The following LRCH1 variants were observed in gnomAD, a reference collection of about 807,000 sequenced individuals.
LRCH1 encodes leucine-rich repeat and calponin homology domain-containing protein 1.
Under a neutral mutation model 94.9 loss-of-function variants are expected in LRCH1, and 23 were observed. The ratio of observed to expected loss-of-function variants is 0.24; its 90% CI spans 0.17 to 0.34. LRCH1 has a LOEUF of 0.34. Among genes scored for constraint, LRCH1 ranks in the 10% least tolerant of loss-of-function variants. LRCH1 has a pLI of 1.00. For synonymous variants in LRCH1, 364 were observed against 354.9 expected (o/e 1.03, Z -0.29); for missense variants, 790 against 945.9 (o/e 0.84, Z 2.16).
intron 18 of LRCH1, among the ~76,000 whole-genome samples, chr13:46,729,550 C>CAAAAAAAAAAAAAAAAAAAAAAAAAAAAA (rs61033499): frequency 1.1e-5 from 1 of 89,144 alleles, no homozygotes; most frequent in Non-Finnish European, 2.4e-5. Flanking sequence ...GACCCTGTCT[C>CAAAAAAAAAAAAAAAAAAAAAAAAAAAAA]AAAAAAAAAA....
At chr13:46,696,796 G>A (rs913875207) in intron 9 of LRCH1, among the ~76,000 whole-genome samples, 2 of 152,154 alleles carry the variant, frequency 1.3e-5, no homozygotes, top group African/African-American at 2.4e-5. Flanking sequence ...TTGGCCTGGC[G>A]GAGTGAATCA....
chr13:46,654,252 C>T (rs867119345), intron 2 of LRCH1, among the ~76,000 whole-genome samples: 18 of 152,200 alleles, frequency 1.2e-4, no homozygotes, highest in African/African-American at 4.3e-4. Context: ...GCCTGGTAAG[C>T]AGGAGGGACT....
At chr13:46,617,574 C>G (rs970546270) in intron 1 of LRCH1, among the ~76,000 whole-genome samples, 2 of 152,166 alleles carry the variant, frequency 1.3e-5, no homozygotes, top group African/African-American at 4.8e-5. Flanking sequence ...CTCGCAGGGG[C>G]TCGTCTCAAC....
chr13:46,618,051 AT>A (rs1460062954), intron 1 of LRCH1, among the ~76,000 whole-genome samples: 1 of 152,170 alleles, frequency 6.6e-6, no homozygotes, highest in African/African-American at 2.4e-5. Context: ...ACAGGGACAC[AT>A]TCTGAGAAAT....
intron 7 of LRCH1, among the ~76,000 whole-genome samples, chr13:46,690,268 A>C (rs953375293): frequency 2.6e-5 from 4 of 152,206 alleles, no homozygotes; most frequent in African/African-American, 9.6e-5. Flanking sequence ...TGTCAATAAA[A>C]GAAAATAACC....
chr13:46,705,400 A>G lies in LRCH1; in HGVS notation c.1527+96A>G, dbSNP rs1463408588. Reference sequence around the variant, plus strand: ...GTAAAGATTTGTCAGGGAGTGAAACATCTTTATTAATGAGGCCAATATTCA... The same window carrying G: ...GTAAAGATTTGTCAGGGAGTGAAACGTCTTTATTAATGAGGCCAATATTCA... On this transcript the variant is annotated intron_variant, in intron 13 of 19. Coordinates refer to ENST00000389797, the MANE Select transcript of LRCH1 (RefSeq NM_001164211.2). 9 of 1,046,052 alleles carry G rather than the reference A, an allele frequency of 8.6e-6. No individual in the cohort carries two copies. The Admixed American group carries it at 1.5e-4, about 18-fold the overall frequency. 64.8% of individuals were successfully genotyped at this position (1,046,052 alleles called of 1,614,324 possible).
intron 1 of LRCH1, among the ~76,000 whole-genome samples, chr13:46,635,996 G>C (rs2051082953): frequency 7.1e-6 from 1 of 140,042 alleles, no homozygotes; most frequent in African/African-American, 2.6e-5. Flanking sequence ...TCTTTGCAAA[G>C]TTTTTAAAGC....
In LRCH1 at chr13:46,558,572, C is replaced by CAAAAAAAAAAAAAAAAAAA. The variant is rs575874794; in HGVS notation, c.307+4877_307+4895dup. Among the ~76,000 whole-genome samples, 29 of 34,396 alleles carry CAAAAAAAAAAAAAAAAAAA rather than the reference C, an allele frequency of 8.4e-4. 4 individuals carry two copies. Among genetic ancestry groups the CAAAAAAAAAAAAAAAAAAA allele is most frequent in the Non-Finnish European group, 1.0e-3 (17 of 17,006 alleles). The allele number at this position is 34,396 out of a possible 152,430, so 22.6% of individuals were successfully genotyped here. On this transcript the variant is annotated intron_variant, in intron 1 of 19. Coordinates refer to ENST00000389797, the MANE Select transcript of LRCH1 (RefSeq NM_001164211.2). Reference sequence around the variant, plus strand: ...CCAAGACGGTGAAACCCTGTGTCTACAAAAAAAAAAAAAAAAAAAAAAAAA... The same window carrying CAAAAAAAAAAAAAAAAAAA: ...CCAAGACGGTGAAACCCTGTGTCTACAAAAAAAAAAAAAAAAAAAAAAAAAAAAAAAAAAAAAAAAAAAA...
At chr13:46,688,075 C>G in intron 6 of LRCH1, 96 bp downstream of exon 6, 1 of 1,252,598 alleles carries the variant, frequency 8.0e-7, no homozygotes. Context: ...TTTAAGTCAC[C>G]ATGGTATCTG....
At chr13:46,695,246 C>A (rs1381998059) in intron 9 of LRCH1, among the ~76,000 whole-genome samples, 1 of 152,200 alleles carries the variant, frequency 6.6e-6, no homozygotes, top group African/African-American at 2.4e-5. Context: ...GATTTTCTTT[C>A]CGCTACTCAG....
intron 11 of LRCH1, among the ~76,000 whole-genome samples, chr13:46,702,663 T>C (rs1474648151): frequency 1.3e-5 from 2 of 152,162 alleles, no homozygotes; most frequent in East Asian, 3.9e-4. Flanking sequence ...GCCTGGACCT[T>C]TAATGACTGC....
downstream of LRCH1, among the ~76,000 whole-genome samples, chr13:46,747,871 G>A (rs71432933): frequency 0.021 from 3,206 of 151,880 alleles, 44 homozygotes; most frequent in Non-Finnish European, 0.031. Context: ...CCAAGTAGCT[G>A]GGACCACAGG....
intron 1 of LRCH1, among the ~76,000 whole-genome samples, chr13:46,623,118 C>T (rs1456012302): frequency 6.6e-6 from 1 of 152,184 alleles, no homozygotes; most frequent in Non-Finnish European, 1.5e-5. Flanking sequence ...CTGAGCTTTA[C>T]ATTATCCTTC....
At position 46,705,434 on chromosome 13, in the gene LRCH1, C is replaced by T. The variant is rs758611608; in HGVS notation, c.1527+130C>T. On this transcript the variant is annotated intron_variant, in intron 13 of 19. Transcript: ENST00000389797. ...AATGAGGCCAATATTCAGATTTGTT[C>T]AGGACACATTTTTCAACTTGTTTAT... The T allele has an allele frequency of 5.6e-6, 5 of 891,974 alleles. 1 individual carries two copies. The South Asian group carries it at 6.6e-5, about 12-fold the overall frequency. 55.3% of individuals were successfully genotyped at this position (891,974 alleles called of 1,614,324 possible).
At chr13:46,584,719 G>A (rs1222817500) in intron 1 of LRCH1, among the ~76,000 whole-genome samples, 2 of 152,138 alleles carry the variant, frequency 1.3e-5, no homozygotes, top group African/African-American at 2.4e-5. Flanking sequence ...TTCCTCTTAA[G>A]TGCTCTGAAC....
chr13:46,560,216 G>A (rs1330364507), intron 1 of LRCH1, among the ~76,000 whole-genome samples: 1 of 145,708 alleles, frequency 6.9e-6, no homozygotes, highest in Non-Finnish European at 1.5e-5. Context: ...TTCCCTTCAG[G>A]TGTGGTACTG....
At chr13:46,718,066 T>G (rs571502916) in intron 16 of LRCH1, among the ~76,000 whole-genome samples, 4 of 152,360 alleles carry the variant, frequency 2.6e-5, no homozygotes, top group Admixed American at 2.0e-4. Flanking sequence ...GTTTAACTTC[T>G]GCTTTTCCCC....
At chr13:46,614,034 A>G (rs2050776964) in intron 1 of LRCH1, among the ~76,000 whole-genome samples, 1 of 151,802 alleles carries the variant, frequency 6.6e-6, no homozygotes, top group Admixed American at 6.6e-5. Flanking sequence ...ATACAACATG[A>G]TATTTGATAT....
At chr13:46,718,656 TA>T (rs1012930517) in intron 16 of LRCH1, among the ~76,000 whole-genome samples, 2 of 152,224 alleles carry the variant, frequency 1.3e-5, no homozygotes, top group Non-Finnish European at 2.9e-5. Flanking sequence ...AGTTCAATTT[TA>T]GGCACCAGAA....
Sources: gnomAD v4.1 joint callset for allele counts (sites outside exome capture counted in the v4.1 genomes callset) on GRCh38, gnomAD v4.1.1 for gene constraint, MANE v1.5 for transcripts, NCBI Gene and HGNC (gene_info 2026-07-23, HGNC 2026-07-21) for gene names.